The following ATP9B variants were observed in gnomAD, a reference collection of about 807,000 sequenced individuals.
ATP9B encodes ATPase phospholipid transporting 9B.
In ATP9B, 110 loss-of-function variants were observed where a neutral mutation model predicts 146.1. That is an observed-to-expected ratio of 0.75 (90% CI 0.65 to 0.88). The LOEUF is 0.88. Ranked by LOEUF, ATP9B falls within the 40% of genes least tolerant of loss-of-function variation. The probability of loss-of-function intolerance (pLI) is 0.00; values close to 1 mark genes in which losing one functional copy is unlikely to be tolerated. For missense variants in ATP9B, 1,499 were observed against 1,496.4 expected (o/e 1.00, Z -0.03); for synonymous variants, 604 against 569.7 (o/e 1.06, Z -0.86).
At chr18:79,294,393 C>T (rs547095833) in intron 13 of ATP9B, among the ~76,000 whole-genome samples, 8 of 152,362 alleles carry the variant, frequency 5.3e-5, no homozygotes, top group Non-Finnish European at 1.0e-4. Context: ...GCTCCCTGCG[C>T]TGCAGCAGTC....
intron 11 of ATP9B, among the ~76,000 whole-genome samples, chr18:79,217,981 G>A (rs541123004): frequency 3.9e-5 from 6 of 152,360 alleles, no homozygotes; most frequent in Middle Eastern, 3.4e-3. Context: ...ATTGGAGTTC[G>A]TCGTCAGCAG....
intron 26 of ATP9B, 23 bp downstream of exon 26, chr18:79,359,485 C>G: frequency 6.4e-7 from 1 of 1,563,798 alleles, no homozygotes. Flanking sequence ...GGCAAGCTGT[C>G]TGCCTCACGA....
chr18:79,273,160 A>G (rs2096273664), intron 12 of ATP9B, among the ~76,000 whole-genome samples: 1 of 152,228 alleles, frequency 6.6e-6, no homozygotes, highest in African/African-American at 2.4e-5. Flanking sequence ...GGAAGTAGGA[A>G]TGTTAACACC....
intron 12 of ATP9B, among the ~76,000 whole-genome samples, chr18:79,271,236 TTTA>T (rs556752249): frequency 1.8e-4 from 27 of 151,660 alleles, no homozygotes; most frequent in Admixed American, 5.9e-4. Context: ...CTGTATTTTC[TTTA>T]TTATTATTAT....
At position 79,213,732 on chromosome 18, in the gene ATP9B, A is replaced by T. The variant is rs1281547563; in HGVS notation, c.1031-230A>T. On this transcript the variant is annotated intron_variant, in intron 10 of 29. Coordinates refer to ENST00000426216, the MANE Select transcript of ATP9B (RefSeq NM_198531.5). ...GAATATTAGTACGTTTCCTAATGTT[A>T]TATGTGGGTACATTTGTATTGCTTA... is the stretch of plus-strand genomic sequence containing the variant. 3.3e-5 allele frequency among the ~76,000 whole-genome samples: 5 copies of T among 152,162 alleles called. No individual in the cohort carries two copies. The East Asian group carries it at 9.6e-4, about 29-fold the overall frequency.
chr18:79,309,366 T>G (rs2096638108), intron 15 of ATP9B, among the ~76,000 whole-genome samples: 1 of 138,826 alleles, frequency 7.2e-6, no homozygotes, highest in Non-Finnish European at 1.5e-5. Context: ...GGCTGAGGAG[T>G]GATCCCCAGC....
intron 3 of ATP9B, among the ~76,000 whole-genome samples, chr18:79,112,665 C>G (rs2093994775): frequency 6.6e-6 from 1 of 151,936 alleles, no homozygotes; most frequent in Non-Finnish European, 1.5e-5. Context: ...GAGATTAAGG[C>G]AGTCTATCTC....
In ATP9B at chr18:79,333,374, C is replaced by T. The variant is rs373565382; in HGVS notation, c.2029-3254C>T. 3.2e-4 allele frequency among the ~76,000 whole-genome samples: 49 copies of T among 152,334 alleles called. 1 individual carries two copies. The South Asian group carries it at 9.9e-3, about 31-fold the overall frequency. ...TTAGGGACACTGTCATGTTCTTCTCCCTGCCATGCAGATTCTCAGTGTTCA... is the reference window on the plus strand; with the variant it reads ...TTAGGGACACTGTCATGTTCTTCTCTCTGCCATGCAGATTCTCAGTGTTCA... On this transcript the variant is annotated intron_variant, in intron 17 of 29. Transcript: ENST00000426216.
intron 12 of ATP9B, among the ~76,000 whole-genome samples, chr18:79,270,704 CAT>C (rs1473167776): frequency 6.6e-6 from 1 of 152,160 alleles, no homozygotes; most frequent in Non-Finnish European, 1.5e-5. Flanking sequence ...AACATGGAGT[CAT>C]TAATCTCGGT....
At chr18:79,306,880 T>C in intron 14 of ATP9B, 106 bp from the exon 15 acceptor site, 1 of 1,317,336 alleles carries the variant, frequency 7.6e-7, no homozygotes, top group South Asian at 1.5e-5. Context: ...AGGCTACTTA[T>C]TTCTAGCTAC....
intron 15 of ATP9B, among the ~76,000 whole-genome samples, chr18:79,310,294 C>T (rs771669052): frequency 2.0e-5 from 3 of 152,200 alleles, no homozygotes; most frequent in African/African-American, 7.2e-5. Flanking sequence ...AGGGCATCAC[C>T]GTTTTGCTGA....
At chr18:79,360,418 C>T (rs888936740) in intron 26 of ATP9B, 3 of 152,136 alleles carry the variant, frequency 2.0e-5, no homozygotes, top group Non-Finnish European at 4.4e-5. Flanking sequence ...GATTCTAGTC[C>T]AGCTAACCAC....
chr18:79,122,873 A>G (rs1313489709), intron 4 of ATP9B, among the ~76,000 whole-genome samples: 2 of 152,198 alleles, frequency 1.3e-5, no homozygotes, highest in Non-Finnish European at 2.9e-5. Flanking sequence ...AGCTTTGAAG[A>G]AACTGGCCAT....
intron 2 of ATP9B, among the ~76,000 whole-genome samples, chr18:79,105,562 G>T (rs982225678): frequency 3.3e-5 from 5 of 152,124 alleles, no homozygotes; most frequent in Non-Finnish European, 7.4e-5. Context: ...TGAAAAAATT[G>T]TTCTGGTATC....
At chr18:79,192,928 G>C (rs1006395436) in intron 8 of ATP9B, among the ~76,000 whole-genome samples, 1 of 152,146 alleles carries the variant, frequency 6.6e-6, no homozygotes, top group Non-Finnish European at 1.5e-5. Flanking sequence ...AGGCCCCGGG[G>C]CTGCCTGTTT....
chr18:79,258,782 A>G (rs116967178), intron 12 of ATP9B, among the ~76,000 whole-genome samples: 2,043 of 152,310 alleles, frequency 0.013, 17 homozygotes, highest in Non-Finnish European at 0.023. Context: ...CCACTTCAAC[A>G]CAAGGCTCTA....
intron 11 of ATP9B, among the ~76,000 whole-genome samples, chr18:79,245,094 CTCT>C (rs1475209766): frequency 6.6e-6 from 1 of 152,162 alleles, no homozygotes; most frequent in Non-Finnish European, 1.5e-5. Context: ...TCAGGATCTG[CTCT>C]TCTTGGAGTT....
chr18:79,347,692 G>C (rs898175418), intron 23 of ATP9B, 78 bp from the exon 24 acceptor site: 2 of 1,435,306 alleles, frequency 1.4e-6, no homozygotes, highest in African/African-American at 2.9e-5. Flanking sequence ...CATTTAGGCT[G>C]AGTTCTAAAA....
chr18:79,183,798 A>AT (rs927602968), intron 8 of ATP9B, among the ~76,000 whole-genome samples: 23 of 151,226 alleles, frequency 1.5e-4, no homozygotes, highest in Non-Finnish European at 2.5e-4. Flanking sequence ...AAGTTAAAAA[A>AT]AAAAAAAGAA....
Sources: gnomAD v4.1 joint callset for allele counts (sites outside exome capture counted in the v4.1 genomes callset) on GRCh38, gnomAD v4.1.1 for gene constraint, MANE v1.5 for transcripts, NCBI Gene and HGNC (gene_info 2026-07-23, HGNC 2026-07-21) for gene names.